The following INPP4B variants were observed in gnomAD, a reference collection of about 807,000 sequenced individuals.
INPP4B encodes inositol polyphosphate-4-phosphatase type II B.
In INPP4B, 55 loss-of-function variants were observed where a neutral mutation model predicts 122.5. The observed-to-expected ratio is 0.45, with a 90% CI of 0.36 to 0.56. The LOEUF (loss-of-function observed/expected upper bound fraction) is 0.56. Among genes scored for constraint, INPP4B ranks in the 20% least tolerant of loss-of-function variants. The pLI, the probability that INPP4B is intolerant of heterozygous loss-of-function variation, is 0.00. For missense variants in INPP4B, 1,000 were observed against 1,097.7 expected (o/e 0.91, Z 1.26); for synonymous variants, 403 against 388.7 (o/e 1.04, Z -0.43).
At chr4:142,588,527 T>C (rs191927459) in intron 2 of INPP4B, among the ~76,000 whole-genome samples, 259 of 151,180 alleles carry the variant, frequency 1.7e-3, no homozygotes, top group Non-Finnish European at 2.1e-3. Flanking sequence ...AATGAACAAC[T>C]TGAATTTCAT....
At chr4:142,281,107 A>ATT (rs5862581) in intron 9 of INPP4B, among the ~76,000 whole-genome samples, 44 of 146,740 alleles carry the variant, frequency 3.0e-4, no homozygotes, top group African/African-American at 1.0e-3. Context: ...CATTTATTTC[A>ATT]TTTTTTTTTT....
chr4:142,119,558 ACACTGCATGTTTT>A (rs57008921), intron 21 of INPP4B, among the ~76,000 whole-genome samples: 18,776 of 151,360 alleles, frequency 0.12, 1,321 homozygotes, highest in East Asian at 0.23. Flanking sequence ...AGAAAACCAA[ACACTGCATGTTTT>A]CACTCATAGG....
At chr4:142,123,251 A>T in intron 20 of INPP4B, 41 bp downstream of exon 20, 1 of 1,484,258 alleles carries the variant, frequency 6.7e-7, no homozygotes, top group Non-Finnish European at 9.1e-7. Context: ...TGTCCTTCTG[A>T]ATAGAAATGT....
At chr4:142,358,769 A>G (rs1173933984) in intron 7 of INPP4B, among the ~76,000 whole-genome samples, 10 of 151,762 alleles carry the variant, frequency 6.6e-5, no homozygotes, top group Admixed American at 5.9e-4. Flanking sequence ...AATACTTGTT[A>G]CAAATGCACA....
At chr4:142,031,795 C>T (rs977650757) in intron 25 of INPP4B, among the ~76,000 whole-genome samples, 6 of 152,196 alleles carry the variant, frequency 3.9e-5, no homozygotes, top group Non-Finnish European at 8.8e-5. Context: ...TTGTTAATCC[C>T]AGAGAAGGAG....
chr4:142,474,814 A>G (rs1051038258), intron 2 of INPP4B, among the ~76,000 whole-genome samples: 15 of 152,066 alleles, frequency 9.9e-5, no homozygotes, highest in Non-Finnish European at 2.1e-4. Flanking sequence ...TCTCTTAGCT[A>G]GGCAAGCCAC....
At chr4:142,221,166 G>C (rs150771420) in intron 12 of INPP4B, among the ~76,000 whole-genome samples, 4,436 of 152,114 alleles carry the variant, frequency 0.029, 203 homozygotes, top group African/African-American at 0.1. Flanking sequence ...TTGGGAGGCC[G>C]AGGCGAGTGG....
chr4:142,443,917 C>A (rs1400321480), intron 3 of INPP4B, among the ~76,000 whole-genome samples: 1 of 151,766 alleles, frequency 6.6e-6, no homozygotes, highest in African/African-American at 2.4e-5. Flanking sequence ...GTGTCAAAAG[C>A]AAAAGCAAAA....
intron 23 of INPP4B, among the ~76,000 whole-genome samples, chr4:142,097,197 A>T (rs1208850889): frequency 3.6e-5 from 5 of 137,698 alleles, no homozygotes; most frequent in Non-Finnish European, 7.9e-5. Flanking sequence ...AAAGTCAGCC[A>T]TGTCCATTTT....
chr4:142,451,474 C>T (rs1814208483), intron 3 of INPP4B, among the ~76,000 whole-genome samples: 1 of 152,042 alleles, frequency 6.6e-6, no homozygotes, highest in African/African-American at 2.4e-5. Flanking sequence ...TGGTCTCAAA[C>T]TCCTGACTTC....
chr4:142,679,486 T>C (rs553387374), intron 2 of INPP4B, among the ~76,000 whole-genome samples: 20 of 152,042 alleles, frequency 1.3e-4, no homozygotes, highest in African/African-American at 4.8e-4. Flanking sequence ...TTTTTAAAAT[T>C]ATGTATAGGT....
chr4:142,806,091 A>C lies in INPP4B; in HGVS notation c.-254+40118T>G, dbSNP rs374065580. Among the ~76,000 whole-genome samples, 33 of 152,046 alleles carry C rather than the reference A, an allele frequency of 2.2e-4. No individual in the cohort carries two copies. In the South Asian group the frequency reaches 6.9e-3, roughly 32 times the overall value. ...TCAGGAGATTGAGACCATCCTGTCT[A>C]ACACGGTGAAACCCCGTCTGTACTA... On this transcript the variant is annotated intron_variant, in intron 1 of 25. Coordinates refer to ENST00000262992, the MANE Select transcript of INPP4B (RefSeq NM_001101669.3).
At chr4:142,773,006 A>T (rs756299340) in intron 1 of INPP4B, among the ~76,000 whole-genome samples, 13 of 152,164 alleles carry the variant, frequency 8.5e-5, no homozygotes, top group Non-Finnish European at 1.2e-4. Context: ...AGATTGCACC[A>T]CTACACTCCA....
intron 7 of INPP4B, among the ~76,000 whole-genome samples, chr4:142,365,881 T>C (rs966272324): frequency 6.6e-5 from 10 of 152,234 alleles, no homozygotes; most frequent in Admixed American, 5.2e-4. Flanking sequence ...ATTGATCTTA[T>C]AATTACCTTA....
intron 2 of INPP4B, among the ~76,000 whole-genome samples, chr4:142,641,348 C>A (rs1163653796): frequency 6.6e-6 from 1 of 151,968 alleles, no homozygotes; most frequent in Non-Finnish European, 1.5e-5. Context: ...TATACATGTG[C>A]CATGTAGGTG....
chr4:142,481,985 AGCTGT>A, intron 2 of INPP4B, among the ~76,000 whole-genome samples: 1 of 152,332 alleles, frequency 6.6e-6, no homozygotes, highest in Middle Eastern at 3.4e-3. Context: ...TACACAAAGT[AGCTGT>A]GCTATTCTCA....
chr4:142,334,748 T>C (rs1314501307), intron 7 of INPP4B, among the ~76,000 whole-genome samples: 2 of 152,216 alleles, frequency 1.3e-5, no homozygotes, highest in African/African-American at 4.8e-5. Flanking sequence ...TTCTATGTCT[T>C]CTTTGGATAA....
At chr4:142,119,834 T>C (rs915226013) in intron 21 of INPP4B, among the ~76,000 whole-genome samples, 1 of 148,786 alleles carries the variant, frequency 6.7e-6, no homozygotes, top group African/African-American at 2.5e-5. Context: ...CATACACATA[T>C]ATATACATAT....
chr4:142,246,243 C>A (rs924959872), intron 11 of INPP4B, among the ~76,000 whole-genome samples: 4 of 151,768 alleles, frequency 2.6e-5, no homozygotes, highest in Admixed American at 1.3e-4. Context: ...CAGCTTTGTT[C>A]TTTTTGCTTA....
Sources: allele counts gnomAD v4.1 joint callset (sites outside exome capture counted in the v4.1 genomes callset), GRCh38; gene constraint gnomAD v4.1.1; transcripts MANE v1.5; gene names NCBI Gene and HGNC (gene_info 2026-07-23, HGNC 2026-07-21).